DDAH1: variants seen among roughly 807,000 people sequenced by gnomAD.
DDAH1 encodes the protein dimethylarginine dimethylaminohydrolase 1.
DDAH1 carries 19 observed loss-of-function variants against 28.8 expected under a neutral mutation model. That is an observed-to-expected ratio of 0.66 (90% CI 0.46 to 0.97). DDAH1 has a LOEUF of 0.97. DDAH1 is among the 50% of genes least tolerant of loss of function. The probability of loss-of-function intolerance (pLI) is 0.00; values close to 1 mark genes in which losing one functional copy is unlikely to be tolerated. For synonymous variants in DDAH1, 153 were observed against 154.4 expected (o/e 0.99, Z 0.07); for missense variants, 326 against 375.9 (o/e 0.87, Z 1.10).
At chr1:85,391,846 A>G (rs1423853967) in intron 1 of DDAH1, among the ~76,000 whole-genome samples, 1 of 152,276 alleles carries the variant, frequency 6.6e-6, no homozygotes, top group Non-Finnish European at 1.5e-5. Flanking sequence ...TGCCCCAAAT[A>G]TTTCCAGGGA....
intron 1 of DDAH1, among the ~76,000 whole-genome samples, chr1:85,452,489 G>A (rs1429940778): frequency 6.6e-6 from 1 of 151,910 alleles, no homozygotes; most frequent in Non-Finnish European, 1.5e-5. Flanking sequence ...TATGGGTTGC[G>A]AATACACTCT....
At chr1:85,331,164 G>A (rs143052036) in intron 4 of DDAH1, among the ~76,000 whole-genome samples, 75 of 152,260 alleles carry the variant, frequency 4.9e-4, no homozygotes, top group African/African-American at 1.7e-3. Context: ...AGGCATTTCC[G>A]GCAGTTCCCA....
chr1:85,422,520 T>A (rs1368495694), intron 1 of DDAH1, among the ~76,000 whole-genome samples: 1 of 152,162 alleles, frequency 6.6e-6, no homozygotes, highest in African/African-American at 2.4e-5. Context: ...TTCAAGAAAT[T>A]TTAGTTTTGC....
intron 5 of DDAH1, among the ~76,000 whole-genome samples, chr1:85,323,413 T>TA (rs1661433716): frequency 6.6e-6 from 1 of 152,084 alleles, no homozygotes; most frequent in African/African-American, 2.4e-5. Context: ...ATTACTAAAG[T>TA]ATATAGATGA....
intron 4 of DDAH1, among the ~76,000 whole-genome samples, chr1:85,343,443 C>T (rs12039188): frequency 0.017 from 2,600 of 152,244 alleles, 66 homozygotes; most frequent in East Asian, 0.12. Context: ...AATTCAGAAG[C>T]TATTTGGTTT....
chr1:85,325,894 G>C (rs1647364683), intron 4 of DDAH1, among the ~76,000 whole-genome samples: 1 of 152,148 alleles, frequency 6.6e-6, no homozygotes, highest in African/African-American at 2.4e-5. Context: ...CAGTTTTAAG[G>C]AATCTGCTGA....
At chr1:85,470,581 GT>G (rs1198632307) in intron 2 of DDAH1, among the ~76,000 whole-genome samples, 1 of 152,230 alleles carries the variant, frequency 6.6e-6, no homozygotes, top group African/African-American at 2.4e-5. Flanking sequence ...ATCGGATAAA[GT>G]AAGTACCATA....
rs956588138 is a variant in DDAH1, at chr1:85,320,952, G to A, written c.*500C>T. 4 of 151,736 alleles carry A rather than the reference G, an allele frequency of 2.6e-5. No individual in the cohort carries two copies. The highest frequency in any genetic ancestry group is 2.0e-4 in the East Asian group (1 of 5,112). 9.4% of individuals were successfully genotyped at this position (151,736 alleles called of 1,614,324 possible). The stretch of plus-strand genomic sequence containing the variant: ...TTTTACCCAAGGTCAAGGTGGCTGT[G>A]ATAGAAGAGCGAAAGGCAAAAGTAA... On this transcript the variant is annotated 3_prime_UTR_variant, in exon 6 of 6. Transcript: ENST00000284031.
chr1:85,576,623 C>T (rs963117620), intron 1 of DDAH1: 1 of 152,612 alleles, frequency 6.6e-6, no homozygotes, highest in Non-Finnish European at 1.5e-5. Context: ...CACACACATA[C>T]ACACACAGCC....
intron 4 of DDAH1, among the ~76,000 whole-genome samples, chr1:85,327,309 A>G (rs1194304273): frequency 6.6e-6 from 1 of 152,174 alleles, no homozygotes; most frequent in Non-Finnish European, 1.5e-5. Flanking sequence ...GCCACAGATA[A>G]TCTGTCTTGG....
At chr1:85,415,972 G>A (rs1652868962) in intron 1 of DDAH1, among the ~76,000 whole-genome samples, 1 of 151,792 alleles carries the variant, frequency 6.6e-6, no homozygotes, top group African/African-American at 2.4e-5. Flanking sequence ...TCCTACCATA[G>A]GAATTATCTA....
chr1:85,478,117 T>TTCTTTTGTGAATA (rs1655864459), intron 2 of DDAH1, among the ~76,000 whole-genome samples: 1 of 152,178 alleles, frequency 6.6e-6, no homozygotes, highest in South Asian at 2.1e-4. Context: ...CAAATTTTTC[T>TTCTTTTGTGAATA]TCTGTGAGAA....
At chr1:85,558,140 G>A (rs922915395) in intron 1 of DDAH1, among the ~76,000 whole-genome samples, 10 of 151,788 alleles carry the variant, frequency 6.6e-5, no homozygotes, top group Non-Finnish European at 1.2e-4. Context: ...GCCAAGGCAG[G>A]TGGGTCACTT....
chr1:85,523,528 A>G (rs1329188380), intron 1 of DDAH1, among the ~76,000 whole-genome samples: 1 of 152,098 alleles, frequency 6.6e-6, no homozygotes, highest in African/African-American at 2.4e-5. Flanking sequence ...TCAAACCATA[A>G]CTTGTCTGCA....
chr1:85,460,687 C>A (rs1045741185), intron 1 of DDAH1, among the ~76,000 whole-genome samples: 4 of 152,118 alleles, frequency 2.6e-5, no homozygotes, highest in Non-Finnish European at 4.4e-5. Context: ...GTTAATCATT[C>A]ATTAGGTACT....
chr1:85,439,443 G>C (rs1040102021), intron 1 of DDAH1, among the ~76,000 whole-genome samples: 4 of 152,212 alleles, frequency 2.6e-5, no homozygotes, highest in Admixed American at 1.3e-4. Context: ...CTCTCTGCCA[G>C]GGGGCTACAA....
At chr1:85,442,677 C>T (rs1381739881) in intron 1 of DDAH1, among the ~76,000 whole-genome samples, 1 of 152,198 alleles carries the variant, frequency 6.6e-6, no homozygotes, top group Non-Finnish European at 1.5e-5. Context: ...TCTCCACATC[C>T]TCTCCAGCAC....
intron 4 of DDAH1, among the ~76,000 whole-genome samples, chr1:85,334,316 TA>T (rs1333759538): frequency 1.3e-5 from 2 of 152,104 alleles, no homozygotes; most frequent in Non-Finnish European, 2.9e-5. Flanking sequence ...CTTTCCTTTA[TA>T]AATTACCCAG....
chr1:85,396,478 G>T (rs1041816697), intron 1 of DDAH1, among the ~76,000 whole-genome samples: 3 of 151,970 alleles, frequency 2.0e-5, no homozygotes, highest in Non-Finnish European at 4.4e-5. Flanking sequence ...CTCACTCATC[G>T]CAAAGAAGAC....
Sources: gnomAD v4.1 joint callset for allele counts (sites outside exome capture counted in the v4.1 genomes callset) on GRCh38, gnomAD v4.1.1 for gene constraint, MANE v1.5 for transcripts, NCBI Gene and HGNC (gene_info 2026-07-23, HGNC 2026-07-21) for gene names.